KAT6B: variants seen among roughly 807,000 people sequenced by gnomAD.
KAT6B encodes the protein histone acetyltransferase KAT6B.
KAT6B carries 10 observed loss-of-function variants against 187.5 expected under a neutral mutation model. That is an observed-to-expected ratio of 0.05 (90% CI 0.03 to 0.09). The LOEUF (loss-of-function observed/expected upper bound fraction) is 0.09, where lower values mean the gene tolerates loss of function less well. Among genes scored for constraint, KAT6B ranks in the 10% least tolerant of loss-of-function variants. The pLI is 1.00. For synonymous variants in KAT6B, 861 were observed against 926.8 expected (o/e 0.93, Z 1.29); for missense variants, 1,952 against 2,558.9 (o/e 0.76, Z 5.12).
intron 13 of KAT6B, 143 bp from the exon 14 acceptor site, chr10:75,020,439 G>A: frequency 1.5e-6 from 1 of 678,282 alleles, no homozygotes; most frequent in Non-Finnish European, 2.6e-6. Flanking sequence ...CTATAACTGG[G>A]AAGAGGCTAC....
At chr10:75,018,529 A>G (rs997999766) in intron 13 of KAT6B, among the ~76,000 whole-genome samples, 1 of 152,240 alleles carries the variant, frequency 6.6e-6, no homozygotes, top group African/African-American at 2.4e-5. Context: ...AAGCATGAAC[A>G]GCTGCGGAAA....
At chr10:75,020,176 G>C (rs1845288428) in intron 13 of KAT6B, among the ~76,000 whole-genome samples, 1 of 152,156 alleles carries the variant, frequency 6.6e-6, no homozygotes, top group Admixed American at 6.5e-5. Flanking sequence ...AAAACAACTT[G>C]CCCATTAATG....
At chr10:74,878,420 G>A (rs1039490689) in intron 3 of KAT6B, among the ~76,000 whole-genome samples, 7 of 151,962 alleles carry the variant, frequency 4.6e-5, no homozygotes, top group Non-Finnish European at 8.8e-5. Context: ...AGGAGTTCTA[G>A]ACCAGCCTGG....
chr10:74,879,611 G>A (rs901239864), intron 3 of KAT6B, among the ~76,000 whole-genome samples: 1 of 152,156 alleles, frequency 6.6e-6, no homozygotes, highest in African/African-American at 2.4e-5. Context: ...CCAGCAGCCT[G>A]GGATTAATTC....
At chr10:74,846,511 T>C (rs1013557715) in intron 3 of KAT6B, among the ~76,000 whole-genome samples, 1 of 152,202 alleles carries the variant, frequency 6.6e-6, no homozygotes, top group Non-Finnish European at 1.5e-5. Context: ...TGATCTTGGC[T>C]CACTGCAGCC....
intron 3 of KAT6B, among the ~76,000 whole-genome samples, chr10:74,884,229 T>C (rs564120260): frequency 2.0e-5 from 3 of 152,368 alleles, no homozygotes; most frequent in Non-Finnish European, 2.9e-5. Flanking sequence ...GTTGTTTGTA[T>C]GCTCTAGTCA....
intron 1 of KAT6B, among the ~76,000 whole-genome samples, chr10:74,830,790 T>A (rs1481403946): frequency 2.4e-5 from 2 of 83,798 alleles, no homozygotes; most frequent in Non-Finnish European, 4.7e-5. Flanking sequence ...TTTTTTTTTT[T>A]TTTTTTTTTT....
chr10:74,827,886 C>T (rs1382713654), intron 1 of KAT6B, among the ~76,000 whole-genome samples: 1 of 151,976 alleles, frequency 6.6e-6, no homozygotes, highest in Non-Finnish European at 1.5e-5. Flanking sequence ...GTCTCGAACT[C>T]CTGGCCTCAA....
At chr10:74,904,150 C>T (rs896025951) in intron 3 of KAT6B, among the ~76,000 whole-genome samples, 1 of 152,196 alleles carries the variant, frequency 6.6e-6, no homozygotes, top group Non-Finnish European at 1.5e-5. Context: ...TGGGTACTGC[C>T]AGCTTCTCTG....
At chr10:74,918,142 T>TA (rs1186086304) in intron 3 of KAT6B, among the ~76,000 whole-genome samples, 4 of 152,256 alleles carry the variant, frequency 2.6e-5, no homozygotes. Context: ...TAATTATGCT[T>TA]AGCTGTTGCA....
chr10:74,900,333 A>G (rs1393391131), intron 3 of KAT6B, among the ~76,000 whole-genome samples: 2 of 152,246 alleles, frequency 1.3e-5, no homozygotes, highest in African/African-American at 4.8e-5. Context: ...TTCAAAACAG[A>G]AAGTAGAGGT....
intron 3 of KAT6B, among the ~76,000 whole-genome samples, chr10:74,946,974 A>G (rs1297887353): frequency 2.0e-5 from 3 of 152,136 alleles, no homozygotes. Flanking sequence ...ATATTTTGCC[A>G]CAATTGAAAA....
At chr10:74,883,740 C>T (rs972346861) in intron 3 of KAT6B, among the ~76,000 whole-genome samples, 3 of 152,200 alleles carry the variant, frequency 2.0e-5, no homozygotes, top group African/African-American at 7.2e-5. Context: ...AGACTTTATA[C>T]CTGGAGACTG....
chr10:74,842,383 A>G (rs542888838), intron 2 of KAT6B, among the ~76,000 whole-genome samples: 2 of 152,330 alleles, frequency 1.3e-5, no homozygotes, highest in African/African-American at 4.8e-5. Context: ...AAATGACTTC[A>G]TATAGAGAAG....
At chr10:74,978,653 A>T (rs1842312875) in intron 9 of KAT6B, among the ~76,000 whole-genome samples, 1 of 152,234 alleles carries the variant, frequency 6.6e-6, no homozygotes. Flanking sequence ...GGGATACCAC[A>T]GTGAATCTGG....
intron 3 of KAT6B, among the ~76,000 whole-genome samples, chr10:74,852,661 T>C (rs952270419): frequency 2.0e-5 from 3 of 152,224 alleles, no homozygotes; most frequent in Admixed American, 6.5e-5. Context: ...TGAGCTTTTA[T>C]CAAGATGGGA....
At chr10:74,987,828 A>G (rs1842909278) in intron 12 of KAT6B, among the ~76,000 whole-genome samples, 1 of 152,242 alleles carries the variant, frequency 6.6e-6, no homozygotes, top group Non-Finnish European at 1.5e-5. Context: ...CTTAACCCAG[A>G]GTACATTTCT....
Position 75,031,121 on chromosome 10 carries a change from G to A in KAT6B, c.*75G>A, listed in dbSNP as rs746764140. On this transcript the variant is annotated 3_prime_UTR_variant, in exon 18 of 18. Coordinates refer to ENST00000287239, the MANE Select transcript of KAT6B (RefSeq NM_012330.4). Reference sequence around the variant, plus strand: ...CTGCACAAATACCTTTGAAGAGTACGATTTCAAAACCAGCAATTGGTGTGA... The same window carrying A: ...CTGCACAAATACCTTTGAAGAGTACAATTTCAAAACCAGCAATTGGTGTGA... 2 of 1,536,248 alleles carry A rather than the reference G, an allele frequency of 1.3e-6. No homozygotes were observed. Among genetic ancestry groups the A allele is most frequent in the Non-Finnish European group, 1.8e-6 (2 of 1,124,462 alleles).
At chr10:74,852,435 G>T (rs920816559) in intron 3 of KAT6B, among the ~76,000 whole-genome samples, 5 of 152,152 alleles carry the variant, frequency 3.3e-5, no homozygotes, top group African/African-American at 1.2e-4. Flanking sequence ...GAAAAAAATT[G>T]CAGTTCATGT....
Sources: allele counts gnomAD v4.1 joint callset (sites outside exome capture counted in the v4.1 genomes callset), GRCh38; gene constraint gnomAD v4.1.1; transcripts MANE v1.5; gene names NCBI Gene and HGNC (gene_info 2026-07-23, HGNC 2026-07-21).